The following STK10 variants were observed in gnomAD, a reference collection of about 807,000 sequenced individuals.
STK10 encodes serine/threonine-protein kinase 10.
Under a neutral mutation model 113.8 loss-of-function variants are expected in STK10, and 78 were observed. The ratio of observed to expected loss-of-function variants is 0.69; its 90% CI spans 0.57 to 0.83. The LOEUF is 0.83. STK10 is among the 40% of genes least tolerant of loss of function. The pLI, the probability that STK10 is intolerant of heterozygous loss-of-function variation, is 0.00. For missense variants in STK10, 1,109 were observed against 1,280.1 expected, an observed-to-expected ratio of 0.87 and a Z score of 2.04; for synonymous variants, 465 against 494.7, an observed-to-expected ratio of 0.94 and a Z score of 0.80.
intron 2 of STK10, among the ~76,000 whole-genome samples, chr5:172,150,088 A>G (rs1230953602): frequency 6.8e-6 from 1 of 147,820 alleles, no homozygotes; most frequent in Non-Finnish European, 1.5e-5. Flanking sequence ...CCTCCTTGGG[A>G]TCCTCCCTTC....
intron 1 of STK10, among the ~76,000 whole-genome samples, chr5:172,175,767 T>C (rs1250360862): frequency 2.0e-5 from 3 of 152,124 alleles, no homozygotes. Context: ...CTCTGTGCTA[T>C]GCAAGAGAAA....
intron 18 of STK10, among the ~76,000 whole-genome samples, chr5:172,052,234 TG>T (rs1184031127): frequency 6.6e-6 from 1 of 152,114 alleles, no homozygotes; most frequent in Non-Finnish European, 1.5e-5. Flanking sequence ...GGAGGCCACG[TG>T]ATAAGGAGTG....
chr5:172,071,977 T>C (rs529089936), intron 12 of STK10, among the ~76,000 whole-genome samples: 59 of 152,252 alleles, frequency 3.9e-4, no homozygotes, highest in African/African-American at 1.4e-3. Context: ...CAGATCGATA[T>C]CCTTCATGAA....
chr5:172,045,699 C>A (rs1561784943), intron 18 of STK10, among the ~76,000 whole-genome samples: 1 of 151,640 alleles, frequency 6.6e-6, no homozygotes, highest in African/African-American at 2.4e-5. Flanking sequence ...AAATATTTTT[C>A]TTTTTTTTGA....
intron 3 of STK10, among the ~76,000 whole-genome samples, chr5:172,125,867 T>A (rs536978935): frequency 0.022 from 3,413 of 152,268 alleles, 50 homozygotes; most frequent in Non-Finnish European, 0.031. Flanking sequence ...TTAAAAAAAA[T>A]TTTAGCATTA....
chr5:172,067,398 TA>T (rs1768093490), intron 12 of STK10, among the ~76,000 whole-genome samples: 1 of 108,818 alleles, frequency 9.2e-6, no homozygotes, highest in Non-Finnish European at 2.0e-5. Flanking sequence ...AATAAATAAA[TA>T]AATAAATAAA....
intron 18 of STK10, 99 bp downstream of exon 18, chr5:172,052,830 G>C: frequency 2.7e-6 from 3 of 1,126,048 alleles, no homozygotes; most frequent in Non-Finnish European, 3.9e-6. Flanking sequence ...CAAAGCAAGA[G>C]TCCACCAAAA....
At chr5:172,153,005 G>C (rs1250438779) in intron 2 of STK10, among the ~76,000 whole-genome samples, 4 of 152,086 alleles carry the variant, frequency 2.6e-5, no homozygotes, top group Non-Finnish European at 5.9e-5. Context: ...TATACATATA[G>C]GCCTGGTGCA....
chr5:172,150,046 T>A (rs1432532654), intron 2 of STK10, among the ~76,000 whole-genome samples: 14 of 35,642 alleles, frequency 3.9e-4, no homozygotes, highest in South Asian at 2.2e-3. Flanking sequence ...AAACTTTGTC[T>A]CAAAAAAAAA....
chr5:172,049,970 T>G (rs972533103), intron 18 of STK10, among the ~76,000 whole-genome samples: 38 of 152,240 alleles, frequency 2.5e-4, no homozygotes, highest in African/African-American at 9.1e-4. Flanking sequence ...GTCTGGCTAA[T>G]TTTTGTATTT....
At position 172,105,693 on chromosome 5, in the gene STK10, T is replaced by C. The variant is rs1291040862; in HGVS notation, c.833A>G (p.Asn278Ser). 4 of 1,613,742 alleles carry C rather than the reference T, an allele frequency of 2.5e-6. No homozygotes were observed. In the South Asian group the frequency reaches 4.4e-5, roughly 18 times the overall value. ...CGCGGCACTGGGTCGGGTTTCTGGG[T>C]TCTTATCCAGGGCTATCTTCAGGAA... ...RDFLKIALDK[N>S]PETRPSAAQL... is the part of the protein sequence containing the mutation. Residue 278 changes from asparagine to serine, a missense_variant, in exon 7 of 19, where the codon AAC becomes AGC. By Grantham distance (46) the Asn-to-Ser change is conservative. Around this residue, in one of 5 missense-constraint regions of STK10, gnomAD observed 885 missense variants for 991.1 expected, o/e 0.89. Transcript: ENST00000176763.
intron 1 of STK10, among the ~76,000 whole-genome samples, chr5:172,160,908 G>C (rs774473501): frequency 6.6e-6 from 1 of 152,098 alleles, no homozygotes; most frequent in Non-Finnish European, 1.5e-5. Flanking sequence ...CACTGTACAA[G>C]GTCTCCCTAC....
At position 172,055,759 on chromosome 5, in the gene STK10, C is replaced by G; in HGVS notation, c.2355G>C (p.Gln785His). 6.6e-7 allele frequency: 1 copy of G among 1,511,330 alleles called. No individual in the cohort carries two copies. The highest frequency in any genetic ancestry group is 8.9e-7 in the Non-Finnish European group (1 of 1,121,236). The allele number at this position is 1,511,330 out of a possible 1,614,324, so 93.6% of individuals were successfully genotyped here. A position where few individuals can be genotyped will look rare whatever the true frequency, so the allele number is the denominator to read the frequency against. ...RKHEKEREQM[Q>H]RYNQRMIEQL... is the part of the protein sequence containing the mutation. ...GCTCTATCATGCGCTGGTTGTAGCG[C>G]TGCATCTGCTCCCGCTCCTGGAGAG... Residue 785 changes from glutamine (Q) to histidine (H), a missense_variant, in exon 16 of 19, where the codon CAG becomes CAC. Transcript: ENST00000176763.
intron 7 of STK10, among the ~76,000 whole-genome samples, chr5:172,101,529 T>C (rs1201101725): frequency 2.0e-5 from 3 of 151,270 alleles, no homozygotes; most frequent in Non-Finnish European, 4.4e-5. Flanking sequence ...GCTCTCTATA[T>C]ACCAGGCACT....
intron 2 of STK10, among the ~76,000 whole-genome samples, chr5:172,132,278 C>A: frequency 6.6e-6 from 1 of 152,136 alleles, no homozygotes; most frequent in Non-Finnish European, 1.5e-5. Context: ...GTATTATATT[C>A]AATAAATATG....
At position 172,148,254 on chromosome 5, in the gene STK10, A is replaced by G. The variant is rs1447223068; in HGVS notation, c.321+8370T>C. 2.6e-5 allele frequency among the ~76,000 whole-genome samples: 4 copies of G among 152,114 alleles called. No homozygotes were observed. In the East Asian group the frequency reaches 7.7e-4, roughly 29 times the overall value. ...CAGGACAGGGTGCAGGCAGATTCCA[A>G]TCCCACTCTGTGCATGATCAACTGA... On this transcript the variant is annotated intron_variant, in intron 2 of 18. Coordinates refer to ENST00000176763, the MANE Select transcript of STK10 (RefSeq NM_005990.4).
chr5:172,072,399 T>C (rs915318312), intron 12 of STK10, among the ~76,000 whole-genome samples: 1 of 152,128 alleles, frequency 6.6e-6, no homozygotes, highest in Non-Finnish European at 1.5e-5. Context: ...CCCGAGTAGC[T>C]GGGACTACAG....
chr5:172,056,177 C>A (rs1156781188), intron 15 of STK10, among the ~76,000 whole-genome samples: 2 of 152,216 alleles, frequency 1.3e-5, no homozygotes, highest in African/African-American at 4.8e-5. Flanking sequence ...CAAAGCTCAG[C>A]ATGGGCATCA....
chr5:172,059,996 G>C (rs76526492), intron 14 of STK10, among the ~76,000 whole-genome samples: 2,852 of 152,282 alleles, frequency 0.019, 96 homozygotes, highest in African/African-American at 0.066. Flanking sequence ...CTCCCCAAAT[G>C]TGTATGTTGG....
Sources: gnomAD v4.1 joint callset for allele counts (sites outside exome capture counted in the v4.1 genomes callset) on GRCh38, gnomAD v4.1.1 for gene constraint, gnomAD v4.1.1 regional missense constraint, MANE v1.5 for transcripts, NCBI Gene and HGNC (gene_info 2026-07-23, HGNC 2026-07-21) for gene names.